FSCN2: variants seen among roughly 807,000 people sequenced by gnomAD.
FSCN2 encodes the protein fascin actin-bundling protein 2, retinal.
FSCN2 carries 46 observed loss-of-function variants against 37.8 expected under a neutral mutation model. The observed-to-expected ratio is 1.22, with a 90% CI of 0.96 to 1.56. The LOEUF (loss-of-function observed/expected upper bound fraction) is 1.56. Ranked by LOEUF, FSCN2 falls within the 40% of genes most tolerant of loss-of-function variation. The pLI is 0.00. For missense variants in FSCN2, 844 were observed against 730.4 expected, an observed-to-expected ratio of 1.16 and a Z score of -1.79; for synonymous variants, 351 against 309.4, an observed-to-expected ratio of 1.13 and a Z score of -1.41.
At chr17:81,516,653 C>T in the FSCN2 span, among the ~76,000 whole-genome samples, 1 of 152,210 alleles carries the variant, frequency 6.6e-6, no homozygotes, top group East Asian at 1.9e-4. Flanking sequence ...GCTCAAGGGA[C>T]AAGGCCAGGG....
chr17:81,531,792 A>ATGATAG (rs2032635450), intron 1 of FSCN2, among the ~76,000 whole-genome samples: 1 of 64,994 alleles, frequency 1.5e-5, no homozygotes, highest in East Asian at 3.3e-3. Context: ...GATGATGGTG[A>ATGATAG]TGATGATAAT....
the FSCN2 span, among the ~76,000 whole-genome samples, chr17:81,521,050 A>T: frequency 6.6e-6 from 1 of 151,964 alleles, no homozygotes; most frequent in East Asian, 1.9e-4. Context: ...TATAGTTTTT[A>T]ACCTTTTGGT....
intron 1 of FSCN2, among the ~76,000 whole-genome samples, chr17:81,530,869 A>G (rs144103338): frequency 1.3e-5 from 2 of 152,156 alleles, no homozygotes; most frequent in Non-Finnish European, 2.9e-5. Flanking sequence ...TTCCTATCAC[A>G]GCCCACAGTC....
At chr17:81,526,368 C>T (rs573774065), upstream of FSCN2, among the ~76,000 whole-genome samples, 96 of 152,362 alleles carry the variant, frequency 6.3e-4, no homozygotes, top group Non-Finnish European at 1.1e-3. Context: ...GCAGTGGCCA[C>T]GCCTATCATC....
chr17:81,528,406 G>T lies in FSCN2; in HGVS notation c.-126G>T. 1.4e-6 allele frequency: 1 copy of T among 706,696 alleles called. No homozygotes were observed. Among genetic ancestry groups the T allele is most frequent in the Non-Finnish European group, 2.3e-6 (1 of 425,858 alleles). The allele number at this position is 706,696 out of a possible 1,614,324, so 43.8% of individuals were successfully genotyped here. On this transcript the variant is annotated 5_prime_UTR_variant, in exon 1 of 5. Coordinates refer to ENST00000417245, the MANE Select transcript of FSCN2 (RefSeq NM_012418.4). ...GCGGGTCAGAGCAGGCAGGGGGTTC[G>T]TGACGCCGGCTGGGTCTGGGGGCTG...
At position 81,537,056 on chromosome 17, in the gene FSCN2, C is replaced by T. The variant is rs758703259; in HGVS notation, c.1455C>T (p.Ala485=). 4.8e-6 allele frequency: 7 copies of T among 1,464,196 alleles called. No homozygotes were observed. The East Asian group carries it at 8.7e-5, about 18-fold the overall frequency. The allele number at this position is 1,464,196 out of a possible 1,614,324, so 90.7% of individuals were successfully genotyped here. A position where few individuals can be genotyped will look rare whatever the true frequency, so the allele number is the denominator to read the frequency against. ...GLLRADADAP[A]GTALWEY ...TGCGGGCCGATGCCGACGCCCCGGC[C>T]GGGACCGCGCTTTGGGAGTACTGAG... is the stretch of plus-strand genomic sequence containing the variant. Residue 485 remains alanine, a synonymous_variant, in exon 5 of 5, where the codon GCC becomes GCT. Transcript: ENST00000417245.
the FSCN2 span, among the ~76,000 whole-genome samples, chr17:81,522,910 A>C: frequency 6.6e-6 from 1 of 152,330 alleles, no homozygotes; most frequent in African/African-American, 2.4e-5. Flanking sequence ...CCTGGGGCTC[A>C]GGGGTTGGAG....
At chr17:81,518,966 G>A in the FSCN2 span, 15 of 152,388 alleles carry the variant, frequency 9.8e-5, no homozygotes, top group African/African-American at 3.4e-4. Context: ...CCGAGTCTTA[G>A]CCACGCCATC....
the FSCN2 span, among the ~76,000 whole-genome samples, chr17:81,515,904 G>C: frequency 6.6e-6 from 1 of 152,248 alleles, no homozygotes; most frequent in Non-Finnish European, 1.5e-5. Flanking sequence ...GAGCGCAGTG[G>C]CGCGATCTTG....
chr17:81,525,037 C>T (rs12449364), upstream of FSCN2, among the ~76,000 whole-genome samples: 1,057 of 152,222 alleles, frequency 6.9e-3, 43 homozygotes, highest in Admixed American at 0.062. Context: ...GGAGGATCGC[C>T]GGAGCCCAGG....
At chr17:81,525,017 G>A (rs923450580), upstream of FSCN2, among the ~76,000 whole-genome samples, 2 of 152,144 alleles carry the variant, frequency 1.3e-5, no homozygotes, top group African/African-American at 4.8e-5. Context: ...CTGCTCAGGA[G>A]GCCAAGGTGG....
At chr17:81,530,155 G>T in intron 1 of FSCN2, 1 of 290,570 alleles carries the variant, frequency 3.4e-6, no homozygotes, top group Non-Finnish European at 6.8e-6. Flanking sequence ...CCCAGGGTAG[G>T]GCAGGGAGCT....
Position 81,537,040 on chromosome 17 carries a change from A to G in FSCN2, c.1439A>G (p.Asp480Gly), listed in dbSNP as rs910677695. 3 of 1,478,300 alleles carry G rather than the reference A, an allele frequency of 2.0e-6. No individual in the cohort carries two copies. Among genetic ancestry groups the G allele is most frequent in the Non-Finnish European group, 2.7e-6 (3 of 1,121,854 alleles). The allele number at this position is 1,478,300 out of a possible 1,614,324, so 91.6% of individuals were successfully genotyped here. A position where few individuals can be genotyped will look rare whatever the true frequency, so the allele number is the denominator to read the frequency against. The change falls in exon 5 of 5, where the codon GAT becomes GGT. Residue 480 changes from aspartate (D) to glycine (G), a missense_variant. Physicochemically the swap from Asp to Gly is moderately conservative, Grantham distance 94 (BLOSUM62 -1). Coordinates refer to ENST00000417245, the MANE Select transcript of FSCN2 (RefSeq NM_012418.4). ...GGCGCCTCGGGCCTGCTGCGGGCCG[A>G]TGCCGACGCCCCGGCCGGGACCGCG... Reference protein sequence around the residue: ...RGGASGLLRADADAPAGTALW... With the variant: ...RGGASGLLRAGADAPAGTALW...
chr17:81,534,126 G>A (rs2032779030), intron 1 of FSCN2, among the ~76,000 whole-genome samples: 1 of 152,232 alleles, frequency 6.6e-6, no homozygotes, highest in Non-Finnish European at 1.5e-5. Flanking sequence ...AGTGATGAGT[G>A]TGAGGGAGAT....
intron 1 of FSCN2, 49 bp downstream of exon 1, chr17:81,529,406 T>G: frequency 7.2e-7 from 1 of 1,379,768 alleles, no homozygotes; most frequent in Non-Finnish European, 1.0e-6. Context: ...GGGACCCCCC[T>G]GCTTCAGGGA....
upstream of FSCN2, chr17:81,527,403 G>GCC (rs1191533843): frequency 6.6e-6 from 1 of 152,312 alleles, no homozygotes; most frequent in Non-Finnish European, 1.5e-5. Flanking sequence ...TTGGCCCCAA[G>GCC]CCCCTGAGGC....
chr17:81,531,837 ATGG>A (rs1257285672), intron 1 of FSCN2, among the ~76,000 whole-genome samples: 3,894 of 108,712 alleles, frequency 0.036, 414 homozygotes, highest in African/African-American at 0.15. Context: ...GGTGGTGGTG[ATGG>A]TGGTGATGGT....
At chr17:81,531,975 ATGG>A (rs1270274283) in intron 1 of FSCN2, among the ~76,000 whole-genome samples, 7 of 109,456 alleles carry the variant, frequency 6.4e-5, no homozygotes, top group Admixed American at 5.5e-4. Flanking sequence ...AGTGATGATA[ATGG>A]TGATGATGAT....
At chr17:81,531,245 G>A (rs2032549266) in intron 1 of FSCN2, among the ~76,000 whole-genome samples, 4 of 86,410 alleles carry the variant, frequency 4.6e-5, no homozygotes, top group African/African-American at 1.3e-4. Flanking sequence ...TGGTGGTGAT[G>A]ATGGTGATGG....
Sources: allele counts gnomAD v4.1 joint callset (sites outside exome capture counted in the v4.1 genomes callset), GRCh38; gene constraint gnomAD v4.1.1; transcripts MANE v1.5; gene names NCBI Gene and HGNC (gene_info 2026-07-23, HGNC 2026-07-21).